FBN2: variants seen among roughly 807,000 people sequenced by gnomAD.
The protein encoded by FBN2 is fibrillin 2, also known as fibrillin-2.
FBN2 carries 105 observed loss-of-function variants against 355.6 expected under a neutral mutation model. The observed-to-expected ratio is 0.30, with a 90% CI of 0.25 to 0.35. The LOEUF (loss-of-function observed/expected upper bound fraction) is 0.35, where lower values mean the gene tolerates loss of function less well. FBN2 is among the 10% of genes least tolerant of loss of function. The pLI is 1.00. For synonymous variants in FBN2, 1,350 were observed against 1,301.2 expected, an observed-to-expected ratio of 1.04 and a Z score of -0.81; for missense variants, 3,280 against 3,758.7, an observed-to-expected ratio of 0.87 and a Z score of 3.33.
At chr5:128,357,216 T>C in intron 20 of FBN2, 60 bp downstream of exon 20, 6 of 1,600,290 alleles carry the variant, frequency 3.7e-6, no homozygotes, top group Non-Finnish European at 5.1e-6. Flanking sequence ...TAGTAAGGCC[T>C]GAGATCTGTG....
chr5:128,376,178 C>T (rs1335018837), intron 14 of FBN2, among the ~76,000 whole-genome samples: 1 of 152,022 alleles, frequency 6.6e-6, no homozygotes, highest in East Asian at 1.9e-4. Flanking sequence ...ATAACTTTAG[C>T]TTATTAAGGT....
At chr5:128,387,924 C>T (rs1752410144) in intron 11 of FBN2, among the ~76,000 whole-genome samples, 1 of 152,090 alleles carries the variant, frequency 6.6e-6, no homozygotes, top group African/African-American at 2.4e-5. Context: ...GATGATCTGT[C>T]TAATACTGTC....
intron 7 of FBN2, chr5:128,441,864 T>C (rs1753930822): frequency 6.6e-6 from 1 of 152,456 alleles, no homozygotes; most frequent in Admixed American, 6.5e-5. Context: ...AAAAGTCTTA[T>C]CTGTTTCCAA....
intron 5 of FBN2, among the ~76,000 whole-genome samples, chr5:128,502,360 A>G (rs1258638525): frequency 6.6e-6 from 1 of 152,218 alleles, no homozygotes; most frequent in Non-Finnish European, 1.5e-5. Context: ...ACTTAGGAGA[A>G]GAAAAATCAG....
At chr5:128,439,617 A>T (rs1753864691) in intron 7 of FBN2, among the ~76,000 whole-genome samples, 1 of 152,068 alleles carries the variant, frequency 6.6e-6, no homozygotes, top group Non-Finnish European at 1.5e-5. Flanking sequence ...ATCTCTTTGT[A>T]CTAGAAAAAT....
chr5:128,464,170 T>C (rs980076881), intron 6 of FBN2, among the ~76,000 whole-genome samples: 1 of 152,160 alleles, frequency 6.6e-6, no homozygotes, highest in African/African-American at 2.4e-5. Context: ...TAGAAATCAG[T>C]GTCATGAATG....
At chr5:128,339,734 C>T (rs1750948254) in intron 25 of FBN2, among the ~76,000 whole-genome samples, 1 of 152,218 alleles carries the variant, frequency 6.6e-6, no homozygotes, top group Non-Finnish European at 1.5e-5. Flanking sequence ...TGCTGGTCTA[C>T]TACACTAGCC....
chr5:128,357,115 TTA>T (rs1396744652), intron 20 of FBN2, among the ~76,000 whole-genome samples, 159 bp downstream of exon 20: 4 of 152,204 alleles, frequency 2.6e-5, no homozygotes, highest in African/African-American at 9.7e-5. Flanking sequence ...ATTAATGCTA[TTA>T]TGTTTTACCT....
At chr5:128,324,323 G>C (rs1182380622) in intron 34 of FBN2, among the ~76,000 whole-genome samples, 1 of 152,260 alleles carries the variant, frequency 6.6e-6, no homozygotes, top group East Asian at 1.9e-4. Context: ...CTTGTCTTCT[G>C]CTAGCTACTG....
chr5:128,450,139 T>A (rs1754199315), intron 6 of FBN2, among the ~76,000 whole-genome samples: 1 of 152,008 alleles, frequency 6.6e-6, no homozygotes, highest in South Asian at 2.1e-4. Flanking sequence ...AGACTGAAAA[T>A]CATCAGGGAT....
intron 10 of FBN2, among the ~76,000 whole-genome samples, chr5:128,392,471 T>C (rs902617127): frequency 1.3e-5 from 2 of 152,226 alleles, no homozygotes. Flanking sequence ...TCAGATATAG[T>C]AAATCGGCAA....
intron 7 of FBN2, among the ~76,000 whole-genome samples, chr5:128,409,922 A>G (rs540174555): frequency 1.3e-5 from 2 of 152,312 alleles, no homozygotes; most frequent in South Asian, 4.1e-4. Flanking sequence ...CCTTTCTTAC[A>G]TCCTTTTATT....
At chr5:128,370,615 A>G (rs1046687662) in intron 15 of FBN2, among the ~76,000 whole-genome samples, 1 of 152,180 alleles carries the variant, frequency 6.6e-6, no homozygotes, top group South Asian at 2.1e-4. Context: ...CACAAATATA[A>G]CATGGTTCAT....
chr5:128,261,535 C>T (rs1764964325), intron 64 of FBN2, among the ~76,000 whole-genome samples: 2 of 152,204 alleles, frequency 1.3e-5, no homozygotes, highest in South Asian at 4.1e-4. Context: ...ATCTTAAAGT[C>T]TTTTCTCCCA....
At chr5:128,297,619 T>C (rs1749562450) in intron 48 of FBN2, among the ~76,000 whole-genome samples, 2 of 152,202 alleles carry the variant, frequency 1.3e-5, no homozygotes, top group African/African-American at 4.8e-5. Flanking sequence ...TTGATCTTTG[T>C]TGGTTTAAAG....
At position 128,364,626 on chromosome 5, in the gene FBN2, G is replaced by T. The variant is rs760283682; in HGVS notation, c.2402C>A (p.Pro801Gln). 3.1e-6 allele frequency: 5 copies of T among 1,613,454 alleles called. No homozygotes were observed. The change falls in exon 18 of 65, where the codon CCA (proline) becomes CAA (glutamine). Residue 801 changes from proline to glutamine, a missense_variant. Pro to Gln is a moderately conservative substitution (Grantham distance 76). This residue lies in a region of FBN2 where 2,284 missense variants were observed against 2,749.5 expected (regional missense o/e 0.83). Transcript: ENST00000262464. ...AATACAGTTTCTTCCAGAGGCATCT[G>T]GTTCATAGCCACTGTTGCAATTACA... ...YRCNCNSGYE[P>Q]DASGRNCIDI...
intron 15 of FBN2, among the ~76,000 whole-genome samples, chr5:128,371,583 C>T (rs909384497): frequency 4.1e-5 from 6 of 147,512 alleles, no homozygotes; most frequent in Non-Finnish European, 6.0e-5. Flanking sequence ...GGCTGGAGTG[C>T]AATGGCGTGG....
At chr5:128,420,820 G>T (rs1042418461) in intron 7 of FBN2, among the ~76,000 whole-genome samples, 1 of 152,102 alleles carries the variant, frequency 6.6e-6, no homozygotes, top group African/African-American at 2.4e-5. Flanking sequence ...AATTAAAAAG[G>T]CCTTTGATTT....
intron 6 of FBN2, among the ~76,000 whole-genome samples, chr5:128,462,452 T>C (rs2049156661): frequency 6.6e-6 from 1 of 152,202 alleles, no homozygotes; most frequent in Admixed American, 6.5e-5. Flanking sequence ...TTTCTGACTA[T>C]GCCATGATTT....
Sources: gnomAD v4.1 joint callset for allele counts (sites outside exome capture counted in the v4.1 genomes callset) on GRCh38, gnomAD v4.1.1 for gene constraint, gnomAD v4.1.1 regional missense constraint, MANE v1.5 for transcripts, NCBI Gene and HGNC (gene_info 2026-07-23, HGNC 2026-07-21) for gene names.